MEMO1: variants seen among roughly 807,000 people sequenced by gnomAD.
MEMO1 encodes mediator of cell motility 1.
MEMO1 carries 6 observed loss-of-function variants against 45.2 expected under a neutral mutation model. The ratio of observed to expected loss-of-function variants is 0.13; its 90% confidence interval spans 0.07 to 0.26. The LOEUF (loss-of-function observed/expected upper bound fraction) is 0.26. MEMO1 is among the 10% of genes least tolerant of loss of function. MEMO1 has a pLI of 1.00. For synonymous variants in MEMO1, 78 were observed against 124.3 expected, an observed-to-expected ratio of 0.63 and a Z score of 2.48; for missense variants, 184 against 370.5, an observed-to-expected ratio of 0.50 and a Z score of 4.13.
At chr2:31,870,856 G>A (rs557908264) in intron 8 of MEMO1, among the ~76,000 whole-genome samples, 1 of 152,254 alleles carries the variant, frequency 6.6e-6, no homozygotes, top group African/African-American at 2.4e-5. Context: ...GGGATTACAG[G>A]TATGAGTCAC....
At chr2:31,965,299 A>AGGAGGGACGGAG (rs1553375177) in intron 2 of MEMO1, among the ~76,000 whole-genome samples, 1 of 147,448 alleles carries the variant, frequency 6.8e-6, no homozygotes. Context: ...GAAGAAGGGA[A>AGGAGGGACGGAG]GGAGGGAAGG....
intron 7 of MEMO1, among the ~76,000 whole-genome samples, chr2:31,887,445 C>A (rs927251901): frequency 6.6e-6 from 1 of 152,152 alleles, no homozygotes; most frequent in Admixed American, 6.6e-5. Context: ...TACTTAATCA[C>A]ATCGTTTATA....
At chr2:31,989,874 T>A (rs1476249625) in intron 2 of MEMO1, among the ~76,000 whole-genome samples, 1 of 152,170 alleles carries the variant, frequency 6.6e-6, no homozygotes, top group African/African-American at 2.4e-5. Context: ...CCCAGCAATT[T>A]GGGAGGCCGA....
At chr2:31,944,945 A>G (rs1455378232) in intron 2 of MEMO1, among the ~76,000 whole-genome samples, 2 of 152,122 alleles carry the variant, frequency 1.3e-5, no homozygotes, top group Non-Finnish European at 2.9e-5. Context: ...ATTCTACCTT[A>G]TTTACTTAAG....
intron 5 of MEMO1, among the ~76,000 whole-genome samples, chr2:31,919,139 T>C (rs975932561): frequency 6.6e-6 from 1 of 151,664 alleles, no homozygotes; most frequent in Admixed American, 6.6e-5. Flanking sequence ...TATTTATTTA[T>C]TTTTGGAGAC....
In MEMO1 at chr2:31,964,689, G is replaced by A. The variant is rs553920040; in HGVS notation, c.62-21306C>T. The stretch of plus-strand genomic sequence containing the variant: ...GCACTCCAGCTTGGGCAACAGGAGC[G>A]AAACTCCATCTCAAAAAAACAAATA... On this transcript the variant is annotated intron_variant, in intron 2 of 9. Coordinates refer to ENST00000404530, the MANE Select transcript of MEMO1 (RefSeq NM_001301833.4). Among the ~76,000 whole-genome samples the A allele has an allele frequency of 2.6e-5, 4 of 151,616 alleles. No individual in the cohort carries two copies. The East Asian group carries it at 5.8e-4, about 22-fold the overall frequency.
chr2:31,960,186 G>C (rs1667853849), intron 2 of MEMO1, among the ~76,000 whole-genome samples: 1 of 148,348 alleles, frequency 6.7e-6, no homozygotes, highest in African/African-American at 2.5e-5. Flanking sequence ...GATAGAGCAA[G>C]ATCCTCTCTC....
chr2:31,953,231 T>G (rs934965763), intron 2 of MEMO1, among the ~76,000 whole-genome samples: 1 of 151,648 alleles, frequency 6.6e-6, no homozygotes. Context: ...CTGGGCATGG[T>G]GGTCGCACAC....
intron 3 of MEMO1, among the ~76,000 whole-genome samples, chr2:31,938,534 G>C (rs1665205865): frequency 6.6e-6 from 1 of 151,880 alleles, no homozygotes; most frequent in South Asian, 2.1e-4. Flanking sequence ...TGTAGTCCCA[G>C]CTACTCGGGA....
intron 2 of MEMO1, among the ~76,000 whole-genome samples, chr2:32,007,655 A>C (rs1213857929): frequency 6.6e-6 from 1 of 152,230 alleles, no homozygotes; most frequent in Non-Finnish European, 1.5e-5. Context: ...ATGCTGTAGG[A>C]ACCACAGAAT....
In MEMO1 at chr2:31,963,159, A is replaced by G. The variant is rs557847764; in HGVS notation, c.62-19776T>C. The G allele has an allele frequency of 2.4e-5, 37 of 1,533,490 alleles. No individual in the cohort carries two copies. The East Asian group carries it at 8.8e-4, about 37-fold the overall frequency. 95.0% of individuals were successfully genotyped at this position (1,533,490 alleles called of 1,614,324 possible). A position where few individuals can be genotyped will look rare whatever the true frequency, so the allele number is the denominator to read the frequency against. ...CCATTTCTTAGGGCTTCAGACTCAAAGTGAAACCGCACCGTCAGCTCTCCT... is the reference window on the plus strand; with the variant it reads ...CCATTTCTTAGGGCTTCAGACTCAAGGTGAAACCGCACCGTCAGCTCTCCT... On this transcript the variant is annotated intron_variant, in intron 2 of 9. Transcript: ENST00000404530.
intron 2 of MEMO1, among the ~76,000 whole-genome samples, chr2:32,003,635 T>TA (rs1199209162): frequency 6.6e-6 from 1 of 152,130 alleles, no homozygotes; most frequent in Non-Finnish European, 1.5e-5. Context: ...ACATGAAAGA[T>TA]AAAAAGAGAA....
intron 4 of MEMO1, among the ~76,000 whole-genome samples, chr2:31,930,889 C>A (rs1181648807): frequency 6.7e-6 from 1 of 149,904 alleles, no homozygotes; most frequent in South Asian, 2.1e-4. Context: ...AAACTCCTGA[C>A]CTCAGGTAAT....
intron 7 of MEMO1, among the ~76,000 whole-genome samples, chr2:31,889,356 T>C (rs1156705319): frequency 6.6e-6 from 1 of 152,082 alleles, no homozygotes; most frequent in African/African-American, 2.4e-5. Flanking sequence ...ATCCCTCCTG[T>C]GAAATTTAGA....
intron 2 of MEMO1, among the ~76,000 whole-genome samples, chr2:31,976,220 G>T (rs1465168052): frequency 6.6e-6 from 1 of 152,110 alleles, no homozygotes; most frequent in African/African-American, 2.4e-5. Flanking sequence ...GCACAAAAAA[G>T]CTAAACTTAA....
Position 31,869,764 on chromosome 2 carries a change from A to G in MEMO1, c.762+84T>C, listed in dbSNP as rs1279491444. 15 of 1,423,762 alleles carry G rather than the reference A, an allele frequency of 1.1e-5. No homozygotes were observed. In the Admixed American group the frequency reaches 1.7e-4, roughly 16 times the overall value. 88.2% of individuals were successfully genotyped at this position (1,423,762 alleles called of 1,614,324 possible). A position where few individuals can be genotyped will look rare whatever the true frequency, so the allele number is the denominator to read the frequency against. The stretch of plus-strand genomic sequence containing the variant: ...ACTTGACCATAGGTACATAAAACCA[A>G]TGATGCCATTGTATCACAATGATAA... On this transcript the variant is annotated intron_variant, in intron 9 of 9. Coordinates refer to ENST00000404530, the MANE Select transcript of MEMO1 (RefSeq NM_001301833.4).
chr2:31,976,448 C>T (rs1386421982), intron 2 of MEMO1, among the ~76,000 whole-genome samples: 1 of 151,846 alleles, frequency 6.6e-6, no homozygotes, highest in African/African-American at 2.4e-5. Context: ...CATGGTGGCA[C>T]ATGCCTGTAA....
chr2:31,871,087 T>G (rs1248471769), intron 8 of MEMO1, among the ~76,000 whole-genome samples: 1 of 152,200 alleles, frequency 6.6e-6, no homozygotes, highest in Non-Finnish European at 1.5e-5. Flanking sequence ...TACAACTCAT[T>G]AATATAGAGC....
At chr2:31,924,073 AG>A (rs1209842222) in intron 4 of MEMO1, among the ~76,000 whole-genome samples, 1 of 150,744 alleles carries the variant, frequency 6.6e-6, no homozygotes, top group Non-Finnish European at 1.5e-5. Context: ...AGAAATAATA[AG>A]AAAAAAAGGT....
Sources: gnomAD v4.1 joint callset for allele counts (sites outside exome capture counted in the v4.1 genomes callset) on GRCh38, gnomAD v4.1.1 for gene constraint, MANE v1.5 for transcripts, NCBI Gene and HGNC (gene_info 2026-07-23, HGNC 2026-07-21) for gene names.